The following OTULINL variants were observed in gnomAD, a reference collection of about 807,000 sequenced individuals.
The protein encoded by OTULINL is inactive ubiquitin thioesterase OTULINL.
Under a neutral mutation model 43.9 loss-of-function variants are expected in OTULINL, and 42 were observed. The observed-to-expected ratio is 0.96, with a 90% confidence interval of 0.75 to 1.24. The LOEUF (loss-of-function observed/expected upper bound fraction) is 1.24, where lower values mean the gene tolerates loss of function less well. Ranked by LOEUF, OTULINL falls within the 50% of genes most tolerant of loss-of-function variation. The pLI is 0.00. For synonymous variants in OTULINL, 172 were observed against 153.6 expected, an observed-to-expected ratio of 1.12 and a Z score of -0.88; for missense variants, 411 against 426.4, an observed-to-expected ratio of 0.96 and a Z score of 0.32.
intron 1 of OTULINL, among the ~76,000 whole-genome samples, chr5:14,589,249 C>T (rs1330870787): frequency 6.6e-6 from 1 of 152,098 alleles, no homozygotes; most frequent in Non-Finnish European, 1.5e-5. Context: ...GAGAGGAAAA[C>T]AGGGATTTGC....
Position 14,615,051 on chromosome 5 carries a change from G to A in OTULINL, c.*4737G>A, listed in dbSNP as rs149941643. The A allele has an allele frequency of 2.8e-3, 802 of 282,216 alleles. 4 individuals are homozygous for A. The highest frequency in any genetic ancestry group is 0.016 in the African/African-American group (728 of 46,148). The allele number at this position is 282,216 out of a possible 1,614,324, so 17.5% of individuals were successfully genotyped here. ...TGGGCTGTAAAACCCATTTCCACAC[G>A]AGTATAAATTTAAAACAGAAACATC... On this transcript the variant is annotated 3_prime_UTR_variant, in exon 8 of 8. Coordinates refer to ENST00000274217, the MANE Select transcript of OTULINL (RefSeq NM_019018.3).
intron 1 of OTULINL, among the ~76,000 whole-genome samples, chr5:14,589,748 C>G (rs142551494): frequency 2.6e-5 from 4 of 152,146 alleles, no homozygotes; most frequent in Non-Finnish European, 4.4e-5. Context: ...GTCAGGGGTT[C>G]GAGACCAGCC....
chr5:14,597,926 T>C (rs970662543), intron 1 of OTULINL, among the ~76,000 whole-genome samples: 2 of 152,064 alleles, frequency 1.3e-5, no homozygotes, highest in African/African-American at 4.8e-5. Context: ...TCACAATCTC[T>C]TGGATTGTAG....
intron 1 of OTULINL, among the ~76,000 whole-genome samples, chr5:14,583,281 A>G (rs1759048525): frequency 6.6e-6 from 1 of 152,208 alleles, no homozygotes; most frequent in South Asian, 2.1e-4. Flanking sequence ...CCCAGTGGAG[A>G]AGAACTCTGT....
intron 5 of OTULINL, among the ~76,000 whole-genome samples, chr5:14,605,053 C>T (rs191380508): frequency 1.7e-4 from 26 of 152,332 alleles, no homozygotes; most frequent in South Asian, 1.4e-3. Context: ...TTCCCTTTCA[C>T]GCTGCCCTAG....
chr5:14,601,194 G>A lies in OTULINL; in HGVS notation c.225-19G>A. ...TTCAAAGCAGAATTCTGATATTATT[G>A]TTCCCTTTTATCTTTCAGGTGGATT... On this transcript the variant is annotated intron_variant, in intron 2 of 7. Coordinates refer to ENST00000274217, the MANE Select transcript of OTULINL (RefSeq NM_019018.3). 6.2e-7 allele frequency: 1 copy of A among 1,612,040 alleles called. No homozygotes were observed. Among genetic ancestry groups the A allele is most frequent in the Non-Finnish European group, 8.5e-7 (1 of 1,179,392 alleles).
intron 1 of OTULINL, among the ~76,000 whole-genome samples, chr5:14,595,143 A>T (rs902663649): frequency 6.6e-6 from 1 of 152,160 alleles, no homozygotes; most frequent in Non-Finnish European, 1.5e-5. Flanking sequence ...CTCAGAGTTG[A>T]TGTCCCTGCT....
intron 6 of OTULINL, 113 bp downstream of exon 6, chr5:14,607,571 C>A: frequency 7.5e-7 from 1 of 1,326,144 alleles, no homozygotes. Context: ...GTAAGAAGTG[C>A]AAGCAGAAAT....
At chr5:14,583,207 A>C (rs1487068817) in intron 1 of OTULINL, among the ~76,000 whole-genome samples, 1 of 152,208 alleles carries the variant, frequency 6.6e-6, no homozygotes, top group Non-Finnish European at 1.5e-5. Flanking sequence ...GTCAGAGGAC[A>C]TCATTCTGAT....
intron 5 of OTULINL, among the ~76,000 whole-genome samples, chr5:14,604,405 C>G (rs562942364): frequency 1.1e-4 from 16 of 152,048 alleles, no homozygotes; most frequent in Non-Finnish European, 2.2e-4. Context: ...ATTATTCCAC[C>G]CCTGGCCCCT....
rs996960218 is a variant in OTULINL at position 14,613,228 on chromosome 5, A to G, written c.*2914A>G. Among the ~76,000 whole-genome samples, 2 of 152,200 alleles carry G rather than the reference A, an allele frequency of 1.3e-5. No homozygotes were observed. The highest frequency in any genetic ancestry group is 2.9e-5 in the Non-Finnish European group (2 of 67,996). On this transcript the variant is annotated 3_prime_UTR_variant, in exon 8 of 8. Transcript: ENST00000274217. ...TGAGCCACTGCGCCCGGCCCTAACA[A>G]TTTTTAAGTGACAGTGACATTAAGC...
In OTULINL at chr5:14,610,153, A is replaced by G; in HGVS notation, c.910A>G (p.Ile304Val). The change falls in exon 8 of 8, where the codon ATA (isoleucine) becomes GTA (valine). Residue 304 changes from isoleucine (I) to valine (V), a missense_variant. By Grantham distance (29) the Ile-to-Val change is conservative. Transcript: ENST00000274217. ...TCGLEQIDMF[I>V]LGYSLEVKIK... is the part of the protein sequence containing the mutation. ...ATCTCATCCACAGATTGATATGTTTATACTTGGATACTCCCTTGAAGTAAA... is the reference window on the plus strand; with the variant it reads ...ATCTCATCCACAGATTGATATGTTTGTACTTGGATACTCCCTTGAAGTAAA... 4.3e-6 allele frequency: 7 copies of G among 1,613,866 alleles called. No homozygotes were observed. The highest frequency in any genetic ancestry group is 5.9e-6 in the Non-Finnish European group (7 of 1,179,828).
At chr5:14,597,953 A>G (rs1446408049) in intron 1 of OTULINL, among the ~76,000 whole-genome samples, 1 of 151,906 alleles carries the variant, frequency 6.6e-6, no homozygotes, top group Non-Finnish European at 1.5e-5. Context: ...TTGAGATTTG[A>G]GGGTAAGGGC....
In OTULINL at chr5:14,611,451, G is replaced by C. The variant is rs1240138621; in HGVS notation, c.*1137G>C. On this transcript the variant is annotated 3_prime_UTR_variant, in exon 8 of 8. Coordinates refer to ENST00000274217, the MANE Select transcript of OTULINL (RefSeq NM_019018.3). ...GCCATAAGCCAGGGAGTTGCAGGCAGCCTGTAGAATTGAGACTGGAAAGGA... is the reference window on the plus strand; with the variant it reads ...GCCATAAGCCAGGGAGTTGCAGGCACCCTGTAGAATTGAGACTGGAAAGGA... The C allele has an allele frequency of 2.6e-5, 4 of 152,340 alleles. No homozygotes were observed. The highest frequency in any genetic ancestry group is 2.6e-4 in the Admixed American group (4 of 15,290). 9.4% of individuals were successfully genotyped at this position (152,340 alleles called of 1,614,324 possible). A position where few individuals can be genotyped will look rare whatever the true frequency, so the allele number is the denominator to read the frequency against.
At chr5:14,588,079 T>C (rs1453102033) in intron 1 of OTULINL, among the ~76,000 whole-genome samples, 1 of 152,196 alleles carries the variant, frequency 6.6e-6, no homozygotes, top group Admixed American at 6.5e-5. Flanking sequence ...GGGTATTTGC[T>C]GGCATTTGTC....
chr5:14,589,018 A>C (rs1015064500), intron 1 of OTULINL, among the ~76,000 whole-genome samples: 1 of 152,112 alleles, frequency 6.6e-6, no homozygotes, highest in East Asian at 1.9e-4. Context: ...TCTCATGGAG[A>C]CACATGGACG....
chr5:14,588,661 T>A (rs1040129025), intron 1 of OTULINL, among the ~76,000 whole-genome samples: 1 of 152,220 alleles, frequency 6.6e-6, no homozygotes, highest in African/African-American at 2.4e-5. Context: ...TGGGATGATC[T>A]CCATGGTGTC....
At chr5:14,596,835 G>T (rs963873705) in intron 1 of OTULINL, among the ~76,000 whole-genome samples, 1 of 152,172 alleles carries the variant, frequency 6.6e-6, no homozygotes, top group African/African-American at 2.4e-5. Context: ...GGTGGAGGGC[G>T]TCACGTGGTG....
At chr5:14,603,870 C>T (rs1759428993) in intron 5 of OTULINL, among the ~76,000 whole-genome samples, 1 of 152,032 alleles carries the variant, frequency 6.6e-6, no homozygotes, top group Non-Finnish European at 1.5e-5. Context: ...GATAGAGGTG[C>T]AAAGAAATAT....
Sources: allele counts gnomAD v4.1 joint callset (sites outside exome capture counted in the v4.1 genomes callset), GRCh38; gene constraint gnomAD v4.1.1; transcripts MANE v1.5; gene names NCBI Gene and HGNC (gene_info 2026-07-23, HGNC 2026-07-21).